The following DLC1 variants were observed in gnomAD, a reference collection of about 807,000 sequenced individuals.
DLC1 encodes the protein DLC1 Rho GTPase activating protein.
A neutral mutation model predicts 140.3 loss-of-function variants in DLC1; 54 were observed. That is an observed-to-expected ratio of 0.38 (90% CI 0.31 to 0.48). The LOEUF is 0.48. Among genes scored for constraint, DLC1 ranks in the 20% least tolerant of loss-of-function variants. The pLI, the probability that DLC1 is intolerant of heterozygous loss-of-function variation, is 0.96. For synonymous variants in DLC1, 986 were observed against 728.1 expected, an observed-to-expected ratio of 1.35 and a Z score of -5.70; for missense variants, 2,536 against 1,907.0, an observed-to-expected ratio of 1.33 and a Z score of -6.14.
intron 5 of DLC1, among the ~76,000 whole-genome samples, chr8:13,117,172 T>A (rs1345803372): frequency 6.6e-6 from 1 of 152,218 alleles, no homozygotes; most frequent in African/African-American, 2.4e-5. Flanking sequence ...TATTTTATTT[T>A]AAAAAACAAG....
chr8:13,582,845 C>T (rs1177033171), intron 1 of DLC1, among the ~76,000 whole-genome samples: 5 of 123,524 alleles, frequency 4.0e-5, no homozygotes, highest in African/African-American at 1.5e-4. Context: ...CTTCCCAGTG[C>T]ATATAAAAGT....
intron 2 of DLC1, among the ~76,000 whole-genome samples, chr8:13,496,944 G>T (rs1392181128): frequency 6.6e-6 from 1 of 151,728 alleles, no homozygotes. Context: ...GGGACTATAG[G>T]CGCCTGCCAC....
chr8:13,429,553 A>C (rs1838764942), intron 2 of DLC1, among the ~76,000 whole-genome samples: 2 of 152,248 alleles, frequency 1.3e-5, no homozygotes, highest in African/African-American at 2.4e-5. Flanking sequence ...GTCATCATGC[A>C]GCAGCAAGTT....
At position 13,284,844 on chromosome 8, in the gene DLC1, C is replaced by T. The variant is rs150654805; in HGVS notation, c.1348+20425G>A. Among the ~76,000 whole-genome samples, 9 of 152,202 alleles carry T rather than the reference C, an allele frequency of 5.9e-5. No individual in the cohort carries two copies. The East Asian group carries it at 1.7e-3, about 29-fold the overall frequency. On this transcript the variant is annotated intron_variant, in intron 5 of 17. Transcript: ENST00000276297. Reference sequence around the variant, plus strand: ...TAAAATATTTGTACAAAAATTTGTACACTGAAAAACTACAAAATATTGCTA... The same window carrying T: ...TAAAATATTTGTACAAAAATTTGTATACTGAAAAACTACAAAATATTGCTA...
chr8:13,484,168 A>G (rs887356127), intron 2 of DLC1, among the ~76,000 whole-genome samples: 2 of 152,230 alleles, frequency 1.3e-5, no homozygotes, highest in African/African-American at 4.8e-5. Context: ...CCAAAGGCCA[A>G]GAGGCCAGTT....
intron 1 of DLC1, among the ~76,000 whole-genome samples, chr8:13,544,389 A>G (rs1018528167): frequency 2.6e-5 from 4 of 152,186 alleles, no homozygotes; most frequent in African/African-American, 9.7e-5. Flanking sequence ...AATAATACAT[A>G]CATAGTGTAA....
chr8:13,134,621 C>T (rs1441519371), intron 5 of DLC1, among the ~76,000 whole-genome samples: 3 of 152,136 alleles, frequency 2.0e-5, no homozygotes, highest in African/African-American at 7.2e-5. Context: ...TCTTAGTTTA[C>T]ATACAGAAGA....
At chr8:13,102,945 G>A in intron 7 of DLC1, 92 bp from the exon 8 acceptor site, 1 of 1,109,248 alleles carries the variant, frequency 9.0e-7, no homozygotes, top group Non-Finnish European at 1.3e-6. Context: ...ATATATTTAA[G>A]GAGTTTCTTG....
intron 5 of DLC1, among the ~76,000 whole-genome samples, chr8:13,242,271 G>C (rs911601626): frequency 1.3e-5 from 2 of 152,098 alleles, no homozygotes; most frequent in Non-Finnish European, 2.9e-5. Context: ...AAGGTTGATA[G>C]GAGGAGTCTA....
rs945441757 is a variant in DLC1, at chr8:13,537,778, T to C, written c.-125-37582A>G. 5.3e-5 allele frequency among the ~76,000 whole-genome samples: 8 copies of C among 150,504 alleles called. 1 individual carries two copies. The South Asian group carries it at 1.1e-3, about 20-fold the overall frequency. Reference sequence around the variant, plus strand: ...ACGCCATTCTCCTGCCTCAGCCTCCTGAGTAGCTAGGACTACAGGCGCCCG... The same window carrying C: ...ACGCCATTCTCCTGCCTCAGCCTCCCGAGTAGCTAGGACTACAGGCGCCCG... On this transcript the variant is annotated intron_variant, in intron 1 of 1. Transcript: ENST00000631382.
intron 5 of DLC1, among the ~76,000 whole-genome samples, chr8:13,257,586 C>T (rs905223660): frequency 2.0e-5 from 3 of 151,886 alleles, no homozygotes; most frequent in African/African-American, 7.3e-5. Flanking sequence ...GATTAAAATG[C>T]AGATTCTCGA....
intron 5 of DLC1, among the ~76,000 whole-genome samples, chr8:13,122,936 A>C (rs1189473894): frequency 6.6e-6 from 1 of 152,172 alleles, no homozygotes; most frequent in Non-Finnish European, 1.5e-5. Context: ...ATGTTTAGCT[A>C]AAGCTAATCA....
intron 2 of DLC1, among the ~76,000 whole-genome samples, chr8:13,496,489 T>C (rs1801508041): frequency 6.6e-6 from 1 of 152,112 alleles, no homozygotes; most frequent in Non-Finnish European, 1.5e-5. Context: ...TAATTGCTGT[T>C]AACAATTTTG....
chr8:13,567,550 C>G lies in DLC1; in HGVS notation c.-126+36987G>C, dbSNP rs182017068. On this transcript the variant is annotated intron_variant, in intron 1 of 1. Coordinates refer to the DLC1 transcript ENST00000631382. ...TAAAAACATGAGGACAACGCCAAAA[C>G]AGGAGGCAGCAGCTAAGCAACACAT... The G allele has an allele frequency of 2.6e-4, 407 of 1,551,784 alleles. 1 individual carries two copies. In the African/African-American group the frequency reaches 5.0e-3, roughly 19 times the overall value.
intron 4 of DLC1, among the ~76,000 whole-genome samples, chr8:13,391,884 A>C (rs1010172295): frequency 3.9e-5 from 5 of 129,132 alleles, no homozygotes; most frequent in African/African-American, 1.2e-4. Flanking sequence ...TGAGCCCCAC[A>C]CCTGTCCCCA....
chr8:13,509,701 T>G (rs371362458), intron 1 of DLC1, among the ~76,000 whole-genome samples: 1 of 151,860 alleles, frequency 6.6e-6, no homozygotes, highest in African/African-American at 2.4e-5. Flanking sequence ...CTAATTAATT[T>G]GATAGGGAAG....
chr8:13,343,241 A>G (rs968751761), intron 4 of DLC1, among the ~76,000 whole-genome samples: 1 of 152,130 alleles, frequency 6.6e-6, no homozygotes, highest in South Asian at 2.1e-4. Flanking sequence ...TCCTCCAGTT[A>G]GTTCATGTTG....
chr8:13,486,183 T>C (rs969331474), intron 2 of DLC1, among the ~76,000 whole-genome samples: 14 of 152,166 alleles, frequency 9.2e-5, no homozygotes, highest in Non-Finnish European at 2.1e-4. Flanking sequence ...AAATGAAAAT[T>C]CATGCCTTAG....
At chr8:13,111,051 G>C (rs1175360109) in intron 6 of DLC1, among the ~76,000 whole-genome samples, 1 of 152,270 alleles carries the variant, frequency 6.6e-6, no homozygotes, top group South Asian at 2.1e-4. Context: ...TCAAAATATT[G>C]CTTCTGGTCA....
Sources: allele counts gnomAD v4.1 joint callset (sites outside exome capture counted in the v4.1 genomes callset), GRCh38; gene constraint gnomAD v4.1.1; transcripts MANE v1.5; gene names NCBI Gene and HGNC (gene_info 2026-07-23, HGNC 2026-07-21).